DCLK1: variants seen among roughly 807,000 people sequenced by gnomAD.
DCLK1 encodes serine/threonine-protein kinase DCLK1.
A neutral mutation model predicts 86.2 loss-of-function variants in DCLK1; 16 were observed. The ratio of observed to expected loss-of-function variants is 0.19; its 90% confidence interval spans 0.13 to 0.28. The LOEUF (loss-of-function observed/expected upper bound fraction) is 0.28, where lower values mean the gene tolerates loss of function less well. Among genes scored for constraint, DCLK1 ranks in the 10% least tolerant of loss-of-function variants. The pLI is 1.00. For synonymous variants in DCLK1, 369 were observed against 370.5 expected (o/e 1.00, Z 0.05); for missense variants, 590 against 940.2 (o/e 0.63, Z 4.87).
At chr13:35,890,491 C>A (rs1244820327) in intron 4 of DCLK1, among the ~76,000 whole-genome samples, 2 of 152,132 alleles carry the variant, frequency 1.3e-5, no homozygotes, top group Non-Finnish European at 2.9e-5. Flanking sequence ...CAGATCTCTA[C>A]TGATAGTTTT....
chr13:36,114,578 C>T (rs942014970), intron 2 of DCLK1, among the ~76,000 whole-genome samples: 1 of 152,174 alleles, frequency 6.6e-6, no homozygotes, highest in South Asian at 2.1e-4. Flanking sequence ...AATAAATTTC[C>T]ATTGATTTCC....
At chr13:36,013,863 T>C (rs1273436731) in intron 3 of DCLK1, among the ~76,000 whole-genome samples, 1 of 152,216 alleles carries the variant, frequency 6.6e-6, no homozygotes, top group African/African-American at 2.4e-5. Context: ...CAGACTGCTG[T>C]GCTAGCAATC....
At chr13:35,984,249 C>A (rs1037800447) in intron 3 of DCLK1, among the ~76,000 whole-genome samples, 1 of 152,214 alleles carries the variant, frequency 6.6e-6, no homozygotes, top group African/African-American at 2.4e-5. Flanking sequence ...ACCAAGTCAT[C>A]ATTAATAAAA....
intron 3 of DCLK1, among the ~76,000 whole-genome samples, chr13:35,993,839 G>GA (rs11360420): frequency 4.3e-4 from 61 of 142,330 alleles, no homozygotes; most frequent in Non-Finnish European, 4.3e-4. Flanking sequence ...ACACTCATGA[G>GA]AAAAAAAAAA....
At chr13:35,917,318 T>C (rs1291460587) in intron 4 of DCLK1, among the ~76,000 whole-genome samples, 1 of 152,230 alleles carries the variant, frequency 6.6e-6, no homozygotes, top group African/African-American at 2.4e-5. Flanking sequence ...GTATTTTTCC[T>C]CCCCTATAAT....
At chr13:35,853,904 C>T (rs1364418209) in intron 6 of DCLK1, among the ~76,000 whole-genome samples, 1 of 152,204 alleles carries the variant, frequency 6.6e-6, no homozygotes, top group African/African-American at 2.4e-5. Flanking sequence ...GAAAGAAGCA[C>T]TAACCCTCAC....
chr13:36,006,629 G>A (rs979518582), intron 3 of DCLK1, among the ~76,000 whole-genome samples: 7 of 152,218 alleles, frequency 4.6e-5, no homozygotes, highest in African/African-American at 1.7e-4. Flanking sequence ...GAAAGGAGAG[G>A]CCACGGGGGA....
intron 3 of DCLK1, among the ~76,000 whole-genome samples, chr13:36,060,653 T>A (rs1883509249): frequency 6.6e-6 from 1 of 152,106 alleles, no homozygotes; most frequent in Non-Finnish European, 1.5e-5. Context: ...AGCAGCAAAA[T>A]AACCAACAAA....
At position 35,896,469 on chromosome 13, in the gene DCLK1, C is replaced by T. The variant is rs554794714; in HGVS notation, c.824-25129G>A. On this transcript the variant is annotated intron_variant, in intron 4 of 16. Transcript: ENST00000360631. ...AGGAGAATCGCTTGAACTCGGAAGC[C>T]GGAGGTCGCAGTGAGCAAAGATTGC... Among the ~76,000 whole-genome samples, 158 of 135,498 alleles carry T rather than the reference C, an allele frequency of 1.2e-3. 1 individual carries two copies. The highest frequency in any genetic ancestry group is 4.1e-3 in the African/African-American group (146 of 35,340). The allele number at this position is 135,498 out of a possible 152,430, so 88.9% of individuals were successfully genotyped here.
At chr13:36,004,854 A>C (rs1880880713) in intron 3 of DCLK1, among the ~76,000 whole-genome samples, 1 of 152,214 alleles carries the variant, frequency 6.6e-6, no homozygotes, top group Admixed American at 6.5e-5. Flanking sequence ...CTGGGATTAC[A>C]GGCGTGAGCC....
At chr13:36,017,606 A>G (rs1881590080) in intron 3 of DCLK1, among the ~76,000 whole-genome samples, 1 of 152,196 alleles carries the variant, frequency 6.6e-6, no homozygotes, top group African/African-American at 2.4e-5. Flanking sequence ...TTTACAGCAG[A>G]TATTTAATTG....
At chr13:35,974,326 G>T (rs142780745) in intron 3 of DCLK1, among the ~76,000 whole-genome samples, 8 of 152,288 alleles carry the variant, frequency 5.3e-5, no homozygotes, top group African/African-American at 1.7e-4. Context: ...TCTTGCTACT[G>T]TCCTTACACA....
chr13:35,911,217 C>A (rs542035471), intron 4 of DCLK1, among the ~76,000 whole-genome samples: 17 of 151,840 alleles, frequency 1.1e-4, no homozygotes, highest in African/African-American at 4.1e-4. Context: ...TGGCGTGAAC[C>A]CCGGAGGCAG....
At chr13:35,967,406 GAA>G (rs1878828000) in intron 3 of DCLK1, among the ~76,000 whole-genome samples, 1 of 152,242 alleles carries the variant, frequency 6.6e-6, no homozygotes, top group Non-Finnish European at 1.5e-5. Flanking sequence ...GTGGGGAAAA[GAA>G]AGAGAGATCA....
chr13:35,932,793 G>A (rs1876529853), intron 4 of DCLK1, among the ~76,000 whole-genome samples: 1 of 152,118 alleles, frequency 6.6e-6, no homozygotes. Context: ...GGGGACACAG[G>A]GCCAAACCCT....
chr13:35,848,241 T>C, intron 6 of DCLK1: 1 of 985,040 alleles, frequency 1.0e-6, no homozygotes, highest in Non-Finnish European at 1.2e-6. Context: ...ATTCTATAAG[T>C]AACTCAATCA....
At chr13:36,055,881 TA>T (rs1350681547) in intron 3 of DCLK1, among the ~76,000 whole-genome samples, 2 of 152,210 alleles carry the variant, frequency 1.3e-5, no homozygotes, top group Non-Finnish European at 2.9e-5. Flanking sequence ...AAATAAACTT[TA>T]AAAAATTAAC....
At chr13:35,855,481 A>G in intron 5 of DCLK1, 1 of 1,584,192 alleles carries the variant, frequency 6.3e-7, no homozygotes, top group South Asian at 1.1e-5. Flanking sequence ...TGCTTTCCAC[A>G]AGGGAGAGCA....
chr13:35,976,514 G>A (rs1879339753), intron 3 of DCLK1, among the ~76,000 whole-genome samples: 1 of 137,826 alleles, frequency 7.3e-6, no homozygotes, highest in Non-Finnish European at 1.6e-5. Flanking sequence ...CAGCACTTCA[G>A]CTTCTCCGAG....
Sources: allele counts gnomAD v4.1 joint callset (sites outside exome capture counted in the v4.1 genomes callset), GRCh38; gene constraint gnomAD v4.1.1; transcripts MANE v1.5; gene names NCBI Gene and HGNC (gene_info 2026-07-23, HGNC 2026-07-21).